The following NFKBID variants were observed in gnomAD, a reference collection of about 807,000 sequenced individuals.
NFKBID encodes NF-kappa-B inhibitor delta.
In NFKBID, 26 loss-of-function variants were observed where a neutral mutation model predicts 53.4. The observed-to-expected ratio is 0.49, with a 90% CI of 0.36 to 0.68. NFKBID has a LOEUF of 0.68. Among genes scored for constraint, NFKBID ranks in the 30% least tolerant of loss-of-function variants. The pLI, the probability that NFKBID is intolerant of heterozygous loss-of-function variation, is 0.00. For missense variants in NFKBID, 493 were observed against 614.1 expected, an observed-to-expected ratio of 0.80 and a Z score of 2.08; for synonymous variants, 262 against 259.8, an observed-to-expected ratio of 1.01 and a Z score of -0.08.
rs749440685 is a variant in NFKBID at position 35,896,813 on chromosome 19, C to T, written c.597G>A (p.Ala199=). The stretch of plus-strand genomic sequence containing the variant: ...ATGCCGCCCAGCGCAGCCCCCGAGC[C>T]GCAAACAGGTGAAGGAGCCTGAGGA... The change falls in exon 6 of 12, where the codon GCG becomes GCA. Residue 199 remains alanine, a synonymous_variant. Coordinates refer to ENST00000641389, the Ensembl canonical transcript of NFKBID. This position sits in a 1 kb window ranked among gnomAD's most constrained non-coding sequence, Gnocchi z 5.7. 1.2e-5 allele frequency: 19 copies of T among 1,613,978 alleles called. No individual in the cohort carries two copies. The highest frequency in any genetic ancestry group is 1.7e-5 in the Admixed American group (1 of 60,002).
Position 35,896,444 on chromosome 19 carries a change from C to T in NFKBID, c.779G>A (p.Gly260Glu). The change falls in exon 7 of 12, where the codon GGA (glycine) becomes GAA (glutamate). Residue 260 changes from glycine (G) to glutamate (E), a missense_variant. Gly to Glu is a moderately conservative substitution (Grantham distance 98). Transcript: ENST00000641389. This position sits in a 1 kb window ranked among gnomAD's most constrained non-coding sequence, Gnocchi z 5.7. ...AGCGGCCACGTGCAAGACCGAACGTCCCTGATGGTCAGCGGCATTGGGCTC... is the reference window on the plus strand; with the variant it reads ...AGCGGCCACGTGCAAGACCGAACGTTCCTGATGGTCAGCGGCATTGGGCTC... 1 of 1,614,190 alleles carries T rather than the reference C, an allele frequency of 6.2e-7. No individual in the cohort carries two copies. The highest frequency in any genetic ancestry group is 8.5e-7 in the Non-Finnish European group (1 of 1,180,030).
exon 2 of NFKBID, chr19:35,898,736 C>G (rs759409420): frequency 6.5e-7 from 1 of 1,536,022 alleles, no homozygotes; most frequent in Non-Finnish European, 8.7e-7. Context: ...CCGCCAGCGT[C>G]GGGCTGCTGC....
chr19:35,900,739 T>TTCA, upstream of NFKBID: 1 of 878,560 alleles, frequency 1.1e-6, no homozygotes, highest in Non-Finnish European at 1.5e-6. Context: ...ATCTTTGCTC[T>TTCA]GAAGGAGCCT....
exon 12 of NFKBID, chr19:35,888,252 G>C: frequency 2.8e-6 from 1 of 352,582 alleles, no homozygotes; most frequent in Non-Finnish European, 5.3e-6. Flanking sequence ...GCTGAGTTAG[G>C]GGAGAGAACC....
chr19:35,896,815 C>T lies in NFKBID; in HGVS notation c.595G>A (p.Ala199Thr), dbSNP rs200761829. 9.3e-6 allele frequency: 15 copies of T among 1,614,094 alleles called. No homozygotes were observed. In the Admixed American group the frequency reaches 2.5e-4, roughly 27 times the overall value. The change falls in exon 6 of 12, where the codon GCG becomes ACG. Residue 199 changes from alanine to threonine, a missense_variant. Physicochemically the swap from Ala to Thr is moderately conservative, Grantham distance 58. This residue lies in a region of NFKBID where 267 missense variants were observed against 384.6 expected (regional missense o/e 0.69). Coordinates refer to ENST00000641389, the Ensembl canonical transcript of NFKBID. The surrounding 1 kb of genome is among the most constrained non-coding windows in gnomAD (Gnocchi z 5.7). ...GCCGCCCAGCGCAGCCCCCGAGCCG[C>T]AAACAGGTGAAGGAGCCTGAGGACA...
chr19:35,898,384 C>A, intron 3 of NFKBID, 88 bp downstream of exon 3: 1 of 784,422 alleles, frequency 1.3e-6, no homozygotes, highest in Non-Finnish European at 2.1e-6. Flanking sequence ...GAGGGCCTGA[C>A]TCCCAGGTGT....
exon 4 of NFKBID, chr19:35,897,803 G>T: frequency 6.3e-7 from 1 of 1,594,396 alleles, no homozygotes; most frequent in East Asian, 2.2e-5. Flanking sequence ...GGAAAGCCCA[G>T]GCTGCTAGGT....
rs766296337 is a variant in NFKBID at position 35,890,560 on chromosome 19, G to A, written c.1033-70C>T. 17 of 1,034,856 alleles carry A rather than the reference G, an allele frequency of 1.6e-5. No homozygotes were observed. The South Asian group carries it at 2.0e-4, about 12-fold the overall frequency. The allele number at this position is 1,034,856 out of a possible 1,614,324, so 64.1% of individuals were successfully genotyped here. On this transcript the variant is annotated intron_variant, in intron 9 of 11. Transcript: ENST00000641389. ...AGGTGCCCTCCCACAGAATCCAGGA[G>A]TCTTTAAAGACCCTGACCCTTGGCG... is the stretch of plus-strand genomic sequence containing the variant.
At chr19:35,890,524 G>T in intron 9 of NFKBID, 34 bp from the exon 10 acceptor site, 2 of 1,425,598 alleles carry the variant, frequency 1.4e-6, no homozygotes, top group Non-Finnish European at 2.0e-6. Context: ...GTCAGGGCCA[G>T]CCTCACACCT....
At chr19:35,892,122 CTCACTGCAGCCT>C (rs1172688218) in intron 9 of NFKBID, among the ~76,000 whole-genome samples, 1 of 151,814 alleles carries the variant, frequency 6.6e-6, no homozygotes, top group Non-Finnish European at 1.5e-5. Context: ...AAAATCATGG[CTCACTGCAGCCT>C]TGACCTCCCC....
intron 9 of NFKBID, among the ~76,000 whole-genome samples, chr19:35,894,847 G>A (rs560728900): frequency 2.0e-5 from 3 of 151,974 alleles, no homozygotes; most frequent in African/African-American, 7.2e-5. Context: ...TACAAAATTA[G>A]CTGGACGTGG....
In NFKBID at chr19:35,888,606, G is replaced by A; in HGVS notation, c.1321C>T (p.Gln441Ter). The change falls in exon 12 of 12, where the codon CAG becomes TAG. Residue 441 changes from glutamine (Q) to a stop codon, truncating the protein, a stop_gained. Transcript: ENST00000641389. LOFTEE classifies it high-confidence loss of function. The stretch of plus-strand genomic sequence containing the variant: ...GCCACACGGCTCCTCTTCAACAGCT[G>A]CCGGAGCTGTAGACAAGGCAAAGGA... 6.4e-7 allele frequency: 1 copy of A among 1,571,590 alleles called. No individual in the cohort carries two copies. The highest frequency in any genetic ancestry group is 8.6e-7 in the Non-Finnish European group (1 of 1,158,368).
chr19:35,900,806 T>C, upstream of NFKBID: 2 of 372,460 alleles, frequency 5.4e-6, no homozygotes, highest in Non-Finnish European at 4.7e-6. Flanking sequence ...TCTTTTCTTT[T>C]CTTTTTCTTT....
At chr19:35,893,006 A>G (rs1307551976) in intron 9 of NFKBID, among the ~76,000 whole-genome samples, 2 of 152,138 alleles carry the variant, frequency 1.3e-5, no homozygotes, top group Non-Finnish European at 2.9e-5. Flanking sequence ...CTCTCTACAA[A>G]AAATATAAAA....
intron 10 of NFKBID, 130 bp downstream of exon 10, chr19:35,890,244 C>T (rs1974664688): frequency 1.1e-5 from 9 of 846,306 alleles, no homozygotes; most frequent in Non-Finnish European, 1.7e-5. Context: ...TCTGTGTCTG[C>T]TTCCTATACT....
At chr19:35,900,699 C>A (rs1030418755), upstream of NFKBID, 5 of 1,177,968 alleles carry the variant, frequency 4.2e-6, no homozygotes, top group East Asian at 6.4e-5. Context: ...ACTACTCAGT[C>A]CCCCCGGGAA....
chr19:35,900,822 CTTTTCTTTT>C (rs1975528223), upstream of NFKBID, among the ~76,000 whole-genome samples: 2 of 121,920 alleles, frequency 1.6e-5, no homozygotes, highest in African/African-American at 3.4e-5. Flanking sequence ...TCTTTTTTTT[CTTTTCTTTT>C]TTTTTTTTTT....
upstream of NFKBID, chr19:35,900,712 A>C (rs1004920442): frequency 2.7e-6 from 3 of 1,116,780 alleles, no homozygotes; most frequent in African/African-American, 3.2e-5. Context: ...CCCGGGAAGG[A>C]GGGAGCTGGG....
chr19:35,897,177 G>C, intron 4 of NFKBID, 119 bp from the exon 5 acceptor site: 1 of 1,037,204 alleles, frequency 9.6e-7, no homozygotes, highest in Non-Finnish European at 1.4e-6. Context: ...ACACACATCT[G>C]CATGCAGAGC....
Sources: gnomAD v4.1 joint callset for allele counts (sites outside exome capture counted in the v4.1 genomes callset) on GRCh38, gnomAD v4.1.1 for gene constraint, gnomAD v4.1.1 regional missense constraint, Gnocchi (gnomAD v3.1) non-coding constraint, MANE v1.5 for transcripts, NCBI Gene and HGNC (gene_info 2026-07-23, HGNC 2026-07-21) for gene names.